The following VPS13B variants were observed in gnomAD, a reference collection of about 807,000 sequenced individuals.
VPS13B encodes intermembrane lipid transfer protein VPS13B.
In VPS13B, 285 loss-of-function variants were observed where a neutral mutation model predicts 426.4. The ratio of observed to expected loss-of-function variants is 0.67; its 90% CI spans 0.61 to 0.74. The LOEUF is 0.74. Ranked by LOEUF, VPS13B falls within the 30% of genes least tolerant of loss-of-function variation. The probability of loss-of-function intolerance (pLI) is 0.00; values close to 1 mark genes in which losing one functional copy is unlikely to be tolerated. For synonymous variants in VPS13B, 1,676 were observed against 1,676.4 expected, an observed-to-expected ratio of 1.00 and a Z score of 0.01; for missense variants, 4,537 against 4,782.6, an observed-to-expected ratio of 0.95 and a Z score of 1.51.
At chr8:99,053,576 A>G (rs944875776) in intron 3 of VPS13B, among the ~76,000 whole-genome samples, 2 of 151,430 alleles carry the variant, frequency 1.3e-5, no homozygotes, top group Non-Finnish European at 2.9e-5. Context: ...AAGTGGAATC[A>G]TACAGTTTTT....
At chr8:99,686,750 C>T (rs553381943) in intron 35 of VPS13B, among the ~76,000 whole-genome samples, 1 of 152,096 alleles carries the variant, frequency 6.6e-6, no homozygotes, top group African/African-American at 2.4e-5. Flanking sequence ...CTCCTCAAGG[C>T]AATGAGCTCC....
chr8:99,141,205 C>T (rs1049234635), intron 12 of VPS13B, among the ~76,000 whole-genome samples: 1 of 152,090 alleles, frequency 6.6e-6, no homozygotes, highest in Non-Finnish European at 1.5e-5. Context: ...GAAAGGTGGG[C>T]ACAAGTAAAT....
chr8:99,190,177 T>C (rs1278668741), intron 16 of VPS13B, among the ~76,000 whole-genome samples: 1 of 152,156 alleles, frequency 6.6e-6, no homozygotes, highest in Non-Finnish European at 1.5e-5. Context: ...ATATCCATGG[T>C]AATAGTCTTT....
intron 43 of VPS13B, among the ~76,000 whole-genome samples, chr8:99,797,804 G>C (rs1812929157): frequency 6.6e-6 from 1 of 151,968 alleles, no homozygotes; most frequent in South Asian, 2.1e-4. Context: ...AATTTTTGTT[G>C]TTTATCATAA....
rs774609891 is a variant in VPS13B at position 99,661,411 on chromosome 8, T to C, written c.5966T>C (p.Val1989Ala). The C allele has an allele frequency of 1.2e-6, 2 of 1,613,792 alleles. No individual in the cohort carries two copies. Among genetic ancestry groups the C allele is most frequent in the South Asian group, 2.2e-5 (2 of 91,076 alleles). Reference sequence around the variant, plus strand: ...TATTGCACTGTTTGGCTACAGACAGTGCCTGGAGAAATAGACAGCAAAAGT... The same window carrying C: ...TATTGCACTGTTTGGCTACAGACAGCGCCTGGAGAAATAGACAGCAAAAGT... Reference protein sequence around the residue: ...LDYCTVWLQTVPGEIDSKSGI... With the variant: ...LDYCTVWLQTAPGEIDSKSGI... Residue 1989 changes from valine (V) to alanine (A), a missense_variant, in exon 35 of 62, where the codon GTG (valine) becomes GCG (alanine). Physicochemically the swap from Val to Ala is moderately conservative, Grantham distance 64 (BLOSUM62 0). This residue lies in a region of VPS13B where 4,311 missense variants were observed against 4,474.3 expected (regional missense o/e 0.96). Transcript: ENST00000357162.
At chr8:99,393,564 T>C (rs1814563957) in intron 21 of VPS13B, among the ~76,000 whole-genome samples, 1 of 152,144 alleles carries the variant, frequency 6.6e-6, no homozygotes, top group African/African-American at 2.4e-5. Flanking sequence ...CCTATAGATA[T>C]TCTTCTTATA....
intron 3 of VPS13B, among the ~76,000 whole-genome samples, chr8:99,077,259 G>A (rs1446757715): frequency 1.3e-5 from 2 of 151,918 alleles, no homozygotes; most frequent in African/African-American, 4.8e-5. Context: ...TGCAACCTCC[G>A]CCTCCCAGGT....
intron 23 of VPS13B, among the ~76,000 whole-genome samples, chr8:99,464,905 G>A (rs1478365473): frequency 2.0e-5 from 3 of 151,992 alleles, no homozygotes; most frequent in Admixed American, 1.3e-4. Flanking sequence ...TAATATAGAG[G>A]GGTAACAAAT....
At chr8:99,650,575 T>G (rs888309589) in intron 34 of VPS13B, among the ~76,000 whole-genome samples, 6 of 152,206 alleles carry the variant, frequency 3.9e-5, no homozygotes. Context: ...ATATGTACTG[T>G]TTTTTCCTAC....
chr8:99,061,164 C>T (rs1844163524), intron 3 of VPS13B, among the ~76,000 whole-genome samples: 1 of 152,164 alleles, frequency 6.6e-6, no homozygotes, highest in African/African-American at 2.4e-5. Context: ...ATAAGGAACA[C>T]AGATTGCAGC....
chr8:99,273,323 T>C (rs1465959205), intron 17 of VPS13B, among the ~76,000 whole-genome samples: 1 of 103,798 alleles, frequency 9.6e-6, no homozygotes, highest in Non-Finnish European at 2.1e-5. Flanking sequence ...CACGCCCAGC[T>C]AATTTTTGTA....
intron 60 of VPS13B, 85 bp from the exon 61 acceptor site, chr8:99,871,363 T>C (rs1240265957): frequency 1.3e-5 from 21 of 1,603,844 alleles, no homozygotes; most frequent in East Asian, 1.1e-4. Context: ...CTTGTGGAGG[T>C]TGCCCCATTG....
At chr8:99,073,538 G>A (rs1396302482) in intron 3 of VPS13B, among the ~76,000 whole-genome samples, 1 of 151,918 alleles carries the variant, frequency 6.6e-6, no homozygotes, top group African/African-American at 2.4e-5. Flanking sequence ...CATTTTTGGT[G>A]TGTGGAGATA....
At chr8:99,690,481 A>G (rs1208407348) in intron 35 of VPS13B, among the ~76,000 whole-genome samples, 1 of 152,220 alleles carries the variant, frequency 6.6e-6, no homozygotes, top group Non-Finnish European at 1.5e-5. Context: ...TTGTGCTGCA[A>G]AAAAGTGAAG....
intron 21 of VPS13B, among the ~76,000 whole-genome samples, chr8:99,415,591 G>T (rs933832691): frequency 6.6e-6 from 1 of 152,070 alleles, no homozygotes; most frequent in Non-Finnish European, 1.5e-5. Context: ...TTTAGATGGG[G>T]TTTCTGTGTC....
chr8:99,175,074 A>T (rs1255017068), intron 16 of VPS13B, among the ~76,000 whole-genome samples: 1 of 152,230 alleles, frequency 6.6e-6, no homozygotes, highest in Non-Finnish European at 1.5e-5. Context: ...GAATTGAAAT[A>T]TAGATTCTTG....
chr8:99,754,662 A>C (rs1328881589), intron 39 of VPS13B, among the ~76,000 whole-genome samples: 1 of 152,128 alleles, frequency 6.6e-6, no homozygotes, highest in African/African-American at 2.4e-5. Flanking sequence ...ATCAGTTTAA[A>C]ACTCTTTCAC....
intron 52 of VPS13B, among the ~76,000 whole-genome samples, chr8:99,834,557 T>C (rs1350323294): frequency 6.6e-6 from 1 of 150,424 alleles, no homozygotes; most frequent in African/African-American, 2.4e-5. Flanking sequence ...TTTTTTTTGA[T>C]ACAGGGTCTT....
intron 33 of VPS13B, among the ~76,000 whole-genome samples, chr8:99,605,977 C>T (rs998612297): frequency 6.6e-6 from 1 of 152,172 alleles, no homozygotes; most frequent in African/African-American, 2.4e-5. Context: ...CTCACTACAA[C>T]CTCTGCCTCC....
Sources: gnomAD v4.1 joint callset for allele counts (sites outside exome capture counted in the v4.1 genomes callset) on GRCh38, gnomAD v4.1.1 for gene constraint, gnomAD v4.1.1 regional missense constraint, MANE v1.5 for transcripts, NCBI Gene and HGNC (gene_info 2026-07-23, HGNC 2026-07-21) for gene names.